The following DOCK2 variants were observed in gnomAD, a reference collection of about 807,000 sequenced individuals.
DOCK2 encodes dedicator of cytokinesis 2.
In DOCK2, 87 loss-of-function variants were observed where a neutral mutation model predicts 248.9. The observed-to-expected ratio is 0.35, with a 90% CI of 0.29 to 0.42. The LOEUF is 0.42. Among genes scored for constraint, DOCK2 ranks in the 10% least tolerant of loss-of-function variants. The pLI, the probability that DOCK2 is intolerant of heterozygous loss-of-function variation, is 1.00. For missense variants in DOCK2, 1,747 were observed against 2,300.2 expected (o/e 0.76, Z 4.92); for synonymous variants, 805 against 821.6 (o/e 0.98, Z 0.35).
chr5:169,942,716 C>T (rs1453286193), intron 27 of DOCK2, among the ~76,000 whole-genome samples: 1 of 152,104 alleles, frequency 6.6e-6, no homozygotes, highest in Non-Finnish European at 1.5e-5. Flanking sequence ...CAGCTCCTGC[C>T]CTCCACATTG....
chr5:170,041,147 T>A lies in DOCK2; in HGVS notation c.3756+2T>A. The A allele has an allele frequency of 6.2e-7, 1 of 1,613,176 alleles. No individual in the cohort carries two copies. Among genetic ancestry groups the A allele is most frequent in the Non-Finnish European group, 8.5e-7 (1 of 1,179,200 alleles). The stretch of plus-strand genomic sequence containing the variant: ...CTTCTCCACACCTGGCTTCTCAAGG[T>A]ACAGTCACTTTGGGTGAAGGGCATT... On this transcript the variant is annotated splice_donor_variant, in intron 37 of 51. Coordinates refer to ENST00000520908, the MANE Select transcript of DOCK2 (RefSeq NM_004946.3). LOFTEE classifies it high-confidence loss of function.
intron 22 of DOCK2, among the ~76,000 whole-genome samples, chr5:169,731,107 ATC>A (rs1024146981): frequency 6.6e-6 from 1 of 152,106 alleles, no homozygotes; most frequent in Non-Finnish European, 1.5e-5. Flanking sequence ...GCCTCAAGTG[ATC>A]CTCCCACCTC....
intron 29 of DOCK2, among the ~76,000 whole-genome samples, chr5:169,994,379 G>A (rs1778282752): frequency 6.6e-6 from 1 of 152,160 alleles, no homozygotes; most frequent in South Asian, 2.1e-4. Context: ...TTGGGAAAGG[G>A]GGTTGCAATG....
rs1244838767 is a variant in DOCK2, at chr5:170,008,209, ACAAC to A, written c.3073-287_3073-284del. The stretch of plus-strand genomic sequence containing the variant: ...CACAAGGACAAAAACAACAACAACA[ACAAC>A]AACAACAACAACAAAAAAAAAAAAA... On this transcript the variant is annotated intron_variant, in intron 30 of 51. Transcript: ENST00000520908. 6.3e-4 allele frequency among the ~76,000 whole-genome samples: 41 copies of A among 65,570 alleles called. 1 individual carries two copies. Among genetic ancestry groups the A allele is most frequent in the African/African-American group, 4.0e-3 (39 of 9,772 alleles). The allele number at this position is 65,570 out of a possible 152,430, so 43.0% of individuals were successfully genotyped here. A position where few individuals can be genotyped will look rare whatever the true frequency, so the allele number is the denominator to read the frequency against.
At chr5:169,770,810 G>A (rs1352306771) in intron 25 of DOCK2, among the ~76,000 whole-genome samples, 2 of 152,140 alleles carry the variant, frequency 1.3e-5, no homozygotes, top group East Asian at 1.9e-4. Context: ...ATGACGGTAG[G>A]AAATTCCATT....
intron 27 of DOCK2, among the ~76,000 whole-genome samples, chr5:169,968,450 T>G (rs1777379437): frequency 6.6e-6 from 1 of 152,104 alleles, no homozygotes; most frequent in African/African-American, 2.4e-5. Flanking sequence ...CCAGGGCCAG[T>G]GGGGACAGAC....
At chr5:169,654,311 A>T (rs12656935) in intron 1 of DOCK2, 92 bp from the exon 2 acceptor site, 2 of 1,427,948 alleles carry the variant, frequency 1.4e-6, no homozygotes, top group Admixed American at 1.8e-5. Flanking sequence ...CTGCGTGGGC[A>T]TGGGATGGAC....
intron 51 of DOCK2, 145 bp downstream of exon 51, chr5:170,082,129 C>A: frequency 1.7e-6 from 2 of 1,169,920 alleles, no homozygotes; most frequent in Non-Finnish European, 2.4e-6. Context: ...AGTTCTGGGA[C>A]ACTGTGCAGC....
At chr5:169,649,827 G>A (rs975705537) in intron 1 of DOCK2, among the ~76,000 whole-genome samples, 2 of 148,482 alleles carry the variant, frequency 1.3e-5, no homozygotes, top group South Asian at 2.1e-4. Context: ...TTTTTTTGCC[G>A]GCGTCTTGCT....
rs892973656 is a variant in DOCK2 at position 169,712,969 on chromosome 5, G to A, written c.1659+746G>A. Among the ~76,000 whole-genome samples, 17 of 152,374 alleles carry A rather than the reference G, an allele frequency of 1.1e-4. 1 individual carries two copies. The South Asian group carries it at 3.5e-3, about 32-fold the overall frequency. On this transcript the variant is annotated intron_variant, in intron 17 of 51. Transcript: ENST00000520908. ...GAGGTGGAGCAAGGTTGAGTAGCCA[G>A]CACATGGATCACACCCTTGCCCTTG...
chr5:169,861,756 G>A (rs1771212057), intron 27 of DOCK2, among the ~76,000 whole-genome samples: 1 of 152,146 alleles, frequency 6.6e-6, no homozygotes, highest in Non-Finnish European at 1.5e-5. Flanking sequence ...AATGTTTATG[G>A]AATCCTATTT....
At chr5:169,787,006 A>T (rs1361265636) in intron 25 of DOCK2, among the ~76,000 whole-genome samples, 2 of 152,228 alleles carry the variant, frequency 1.3e-5, no homozygotes, top group African/African-American at 4.8e-5. Flanking sequence ...TGGGCCAGGT[A>T]TGCTGATCTA....
At chr5:169,745,345 C>A (rs1763551832) in intron 22 of DOCK2, among the ~76,000 whole-genome samples, 1 of 152,182 alleles carries the variant, frequency 6.6e-6, no homozygotes, top group Non-Finnish European at 1.5e-5. Context: ...GGGATGAGAG[C>A]AATGATAATC....
At chr5:170,034,323 C>T (rs1756245151) in intron 34 of DOCK2, 76 bp from the exon 35 acceptor site, 2 of 1,561,494 alleles carry the variant, frequency 1.3e-6, no homozygotes, top group African/African-American at 2.7e-5. Context: ...GCATGTGCTC[C>T]ATCCCACCGC....
chr5:169,794,690 C>T (rs573874746), intron 25 of DOCK2, among the ~76,000 whole-genome samples: 102 of 152,140 alleles, frequency 6.7e-4, no homozygotes, highest in African/African-American at 2.1e-3. Flanking sequence ...TCTGGGAGGC[C>T]GAGGCGGGCG....
intron 22 of DOCK2, among the ~76,000 whole-genome samples, chr5:169,737,318 G>A (rs552881984): frequency 3.3e-5 from 5 of 152,134 alleles, no homozygotes; most frequent in Non-Finnish European, 5.9e-5. Flanking sequence ...AGAATGACTG[G>A]ACATTGCCTA....
chr5:170,008,649 T>C (rs550735117), intron 31 of DOCK2, 39 bp from the exon 32 acceptor site: 4 of 1,614,068 alleles, frequency 2.5e-6, no homozygotes, highest in Admixed American at 1.7e-5. Flanking sequence ...TGAGATCCTC[T>C]GAGATGGTGC....
chr5:170,018,060 C>G (rs909807209), intron 32 of DOCK2, among the ~76,000 whole-genome samples: 1 of 152,140 alleles, frequency 6.6e-6, no homozygotes, highest in Admixed American at 6.5e-5. Flanking sequence ...GACATGGTCT[C>G]TAGTGGGGGA....
Position 170,067,498 on chromosome 5 carries a change from C to T in DOCK2, c.4468-12C>T. On this transcript the variant is annotated splice_polypyrimidine_tract_variant and intron_variant, in intron 44 of 51. Coordinates refer to ENST00000520908, the MANE Select transcript of DOCK2 (RefSeq NM_004946.3). ...TAAGGCCCTTTCTTCTTGGTGATCTCATTTTCAACAGACCACAATTAGTCC... is the reference window on the plus strand; with the variant it reads ...TAAGGCCCTTTCTTCTTGGTGATCTTATTTTCAACAGACCACAATTAGTCC... 1 of 1,611,502 alleles carries T rather than the reference C, an allele frequency of 6.2e-7. No individual in the cohort carries two copies. The highest frequency in any genetic ancestry group is 8.5e-7 in the Non-Finnish European group (1 of 1,178,502).
Sources: allele counts gnomAD v4.1 joint callset (sites outside exome capture counted in the v4.1 genomes callset), GRCh38; gene constraint gnomAD v4.1.1; transcripts MANE v1.5; gene names NCBI Gene and HGNC (gene_info 2026-07-23, HGNC 2026-07-21).